Variants in TTF2 observed in about 807,000 individuals in gnomAD.
The protein encoded by TTF2 is RNA polymerase II termination factor.
In TTF2, 108 loss-of-function variants were observed where a neutral mutation model predicts 142.4. The observed-to-expected ratio is 0.76, with a 90% CI of 0.65 to 0.89. The LOEUF (loss-of-function observed/expected upper bound fraction) is 0.89. TTF2 is among the 40% of genes least tolerant of loss of function. The pLI is 0.00. For synonymous variants in TTF2, 483 were observed against 506.2 expected (o/e 0.95, Z 0.61); for missense variants, 1,327 against 1,379.8 (o/e 0.96, Z 0.61).
intron 12 of TTF2, among the ~76,000 whole-genome samples, chr1:117,088,563 G>C (rs1648246862): frequency 1.3e-5 from 2 of 151,570 alleles, no homozygotes; most frequent in South Asian, 4.2e-4. Flanking sequence ...ACCCAAATTT[G>C]AAAACATTTT....
chr1:117,098,669 G>GTGTTT, intron 21 of TTF2, 164 bp from the exon 22 acceptor site: 2 of 576,280 alleles, frequency 3.5e-6, no homozygotes, highest in Non-Finnish European at 6.1e-6. Flanking sequence ...CATGATGTGT[G>GTGTTT]TGTTTTGTTT....
rs556690916 is a variant in TTF2 at position 117,100,694 on chromosome 1, A to G, written c.3345-686A>G. On this transcript the variant is annotated intron_variant, in intron 22 of 22. Coordinates refer to ENST00000369466, the MANE Select transcript of TTF2 (RefSeq NM_003594.4). This position sits in a 1 kb window ranked among gnomAD's most constrained non-coding sequence, Gnocchi z 4.6. ...TGCTCTTTCTGGCAAACCCTTGCCC[A>G]ACATACAAGTCTCATATTAAGAGTT... Among the ~76,000 whole-genome samples the G allele has an allele frequency of 1.2e-4, 19 of 152,300 alleles. No homozygotes were observed. The South Asian group carries it at 3.9e-3, about 32-fold the overall frequency.
At chr1:117,065,466 A>T (rs548087293) in intron 3 of TTF2, among the ~76,000 whole-genome samples, 3 of 152,082 alleles carry the variant, frequency 2.0e-5, no homozygotes, top group African/African-American at 2.4e-5. Flanking sequence ...GGCATGGTGG[A>T]AGGCGCCTGT....
intron 4 of TTF2, among the ~76,000 whole-genome samples, chr1:117,074,043 T>A (rs2101407745): frequency 6.6e-6 from 1 of 152,308 alleles, no homozygotes; most frequent in Middle Eastern, 3.4e-3. Flanking sequence ...TATAGAGGAA[T>A]TTCTACTTGA....
chr1:117,070,516 A>G lies in TTF2; in HGVS notation c.219-3145A>G, dbSNP rs1317336224. 6.6e-6 allele frequency among the ~76,000 whole-genome samples: 1 copy of G among 152,232 alleles called. No individual in the cohort carries two copies. Among genetic ancestry groups the G allele is most frequent in the Non-Finnish European group, 1.5e-5 (1 of 68,040 alleles). On this transcript the variant is annotated intron_variant, in intron 3 of 22. Transcript: ENST00000369466. The surrounding 1 kb of genome is among the most constrained non-coding windows in gnomAD (Gnocchi z 4.2). ...ATCCACTGTTGACTGAAACATCATCATGCAGCACGGGACTGTACTTATGAA... is the reference window on the plus strand; with the variant it reads ...ATCCACTGTTGACTGAAACATCATCGTGCAGCACGGGACTGTACTTATGAA...
rs1470836556 is a variant in TTF2, at chr1:117,107,313, AATATTGCTTAAAGGCTAAC to A, written c.*5791_*5809del. The stretch of plus-strand genomic sequence containing the variant: ...TATTTGTAACAGAATTGTTACCATT[AATATTGCTTAAAGGCTAAC>A]ACATTAGCCAGAACCTAGATGTCTT... On this transcript the variant is annotated 3_prime_UTR_variant, in exon 23 of 23. Coordinates refer to ENST00000369466, the MANE Select transcript of TTF2 (RefSeq NM_003594.4). The A allele has an allele frequency of 3.3e-5, 5 of 152,224 alleles. No individual in the cohort carries two copies. Among genetic ancestry groups the A allele is most frequent in the African/African-American group, 1.2e-4 (5 of 41,454 alleles). 9.4% of individuals were successfully genotyped at this position (152,224 alleles called of 1,614,324 possible). A position where few individuals can be genotyped will look rare whatever the true frequency, so the allele number is the denominator to read the frequency against.
chr1:117,069,792 G>C lies in TTF2; in HGVS notation c.219-3869G>C, dbSNP rs184471411. On this transcript the variant is annotated intron_variant, in intron 3 of 22. Coordinates refer to ENST00000369466, the MANE Select transcript of TTF2 (RefSeq NM_003594.4). ...AATGCACTTGGCAGTGTGATGTTGA[G>C]TTGGACATTACCTTTAGGAAAATGG... Among the ~76,000 whole-genome samples, 77 of 152,350 alleles carry C rather than the reference G, an allele frequency of 5.1e-4. 1 individual carries two copies. Among genetic ancestry groups the C allele is most frequent in the Admixed American group, 4.7e-3 (72 of 15,304 alleles).
chr1:117,101,602 C>T lies in TTF2; in HGVS notation c.*78C>T. The T allele has an allele frequency of 1.4e-6, 2 of 1,386,716 alleles. No homozygotes were observed. Among genetic ancestry groups the T allele is most frequent in the Non-Finnish European group, 1.9e-6 (2 of 1,056,660 alleles). 85.9% of individuals were successfully genotyped at this position (1,386,716 alleles called of 1,614,324 possible). A position where few individuals can be genotyped will look rare whatever the true frequency, so the allele number is the denominator to read the frequency against. On this transcript the variant is annotated 3_prime_UTR_variant, in exon 23 of 23. Transcript: ENST00000369466. The surrounding 1 kb of genome is among the most constrained non-coding windows in gnomAD (Gnocchi z 5.9). ...CTGGGAATAACAACCTAACCATGAG[C>T]CTTGAACTCTGTTCTTTGCATTTCA... is the stretch of plus-strand genomic sequence containing the variant.
intron 4 of TTF2, 49 bp from the exon 5 acceptor site, chr1:117,074,821 C>T (rs369472072): frequency 2.5e-5 from 36 of 1,458,862 alleles, no homozygotes; most frequent in South Asian, 7.4e-5. Flanking sequence ...ATTCTAGATA[C>T]GAAGTTTGTA....
chr1:117,075,116 C>G lies in TTF2; in HGVS notation c.532C>G (p.Leu178Val). The G allele has an allele frequency of 6.2e-7, 1 of 1,613,976 alleles. No individual in the cohort carries two copies. Residue 178 changes from leucine (L) to valine (V), a missense_variant, in exon 5 of 23, where the codon CTC becomes GTC. By Grantham distance (32) the Leu-to-Val change is conservative (BLOSUM62 1). Coordinates refer to ENST00000369466, the MANE Select transcript of TTF2 (RefSeq NM_003594.4). This position sits in a 1 kb window ranked among gnomAD's most constrained non-coding sequence, Gnocchi z 4.5. ...GAAGCCTGAAATGATGGAGAAAGAC[C>G]TCTCATCTGGCCTGGTACCAAAGAA... ...EQKPEMMEKD[L>V]SSGLVPKKKQ...
At chr1:117,064,182 C>T (rs1456268936) in intron 3 of TTF2, among the ~76,000 whole-genome samples, 1 of 152,020 alleles carries the variant, frequency 6.6e-6, no homozygotes, top group East Asian at 1.9e-4. Context: ...TTTGTAAATT[C>T]TCTATACAAG....
Position 117,076,024 on chromosome 1 carries a change from G to C in TTF2, c.1276-156G>C, listed in dbSNP as rs994446155. On this transcript the variant is annotated intron_variant, in intron 5 of 22. Coordinates refer to ENST00000369466, the MANE Select transcript of TTF2 (RefSeq NM_003594.4). This position sits in a 1 kb window ranked among gnomAD's most constrained non-coding sequence, Gnocchi z 4.6. ...CTATTTATATTTTCAAGATTGGTAA[G>C]CCAGCTGGGTTAAAATTTAAAAAAG... is the stretch of plus-strand genomic sequence containing the variant. 6.6e-6 allele frequency among the ~76,000 whole-genome samples: 1 copy of C among 152,196 alleles called. No homozygotes were observed. The highest frequency in any genetic ancestry group is 1.9e-4 in the East Asian group (1 of 5,192).
chr1:117,102,698 T>C lies in TTF2; in HGVS notation c.*1174T>C, dbSNP rs1342813551. On this transcript the variant is annotated 3_prime_UTR_variant, in exon 23 of 23. Coordinates refer to ENST00000369466, the MANE Select transcript of TTF2 (RefSeq NM_003594.4). ...TTAGTATCATTGTTTCATTTAGTAT[T>C]TGGTACAATCTAATAAATACTAATC... is the stretch of plus-strand genomic sequence containing the variant. 6.6e-6 allele frequency: 1 copy of C among 152,202 alleles called. No homozygotes were observed. Among genetic ancestry groups the C allele is most frequent in the Non-Finnish European group, 1.5e-5 (1 of 68,038 alleles). The allele number at this position is 152,202 out of a possible 1,614,324, so 9.4% of individuals were successfully genotyped here.
At chr1:117,082,138 C>T (rs1033725374) in intron 10 of TTF2, 191 bp downstream of exon 10, 28 of 859,860 alleles carry the variant, frequency 3.3e-5, no homozygotes, top group Middle Eastern at 2.4e-4. Context: ...TCATTTTTTC[C>T]GTATAAATTT....
rs1186161063 is a variant in TTF2, at chr1:117,073,045, T to C, written c.219-616T>C. 2.0e-5 allele frequency among the ~76,000 whole-genome samples: 3 copies of C among 152,258 alleles called. No individual in the cohort carries two copies. The stretch of plus-strand genomic sequence containing the variant: ...GTTCACAAATTGGAATTGATTAATA[T>C]GTCTTTTAAGTCTCTGAAGTTTTCC... On this transcript the variant is annotated intron_variant, in intron 3 of 22. Transcript: ENST00000369466. The surrounding 1 kb of genome is among the most constrained non-coding windows in gnomAD (Gnocchi z 4.4).
Position 117,092,706 on chromosome 1 carries a change from C to T in TTF2, c.2806-25C>T, listed in dbSNP as rs200633253. The stretch of plus-strand genomic sequence containing the variant: ...GGTTTGCTCCCTTGACTCCCAGCTG[C>T]TCCTGTCCTTTTTTGTCTGTTCAGG... On this transcript the variant is annotated intron_variant, in intron 17 of 22. Coordinates refer to ENST00000369466, the MANE Select transcript of TTF2 (RefSeq NM_003594.4). The surrounding 1 kb of genome is among the most constrained non-coding windows in gnomAD (Gnocchi z 4.4). The T allele has an allele frequency of 6.2e-7, 1 of 1,604,118 alleles. No homozygotes were observed. The highest frequency in any genetic ancestry group is 1.3e-5 in the African/African-American group (1 of 74,638).
chr1:117,085,309 T>G lies in TTF2; in HGVS notation c.2055-1108T>G, dbSNP rs985768013. 3.3e-5 allele frequency among the ~76,000 whole-genome samples: 5 copies of G among 152,228 alleles called. No individual in the cohort carries two copies. Among genetic ancestry groups the G allele is most frequent in the Non-Finnish European group, 7.3e-5 (5 of 68,034 alleles). On this transcript the variant is annotated intron_variant, in intron 11 of 22. Transcript: ENST00000369466. This position sits in a 1 kb window ranked among gnomAD's most constrained non-coding sequence, Gnocchi z 4.7. ...TGGCTCATGCCTATAATCCGAGCAC[T>G]TTGGGAGGCCGAGGCAGGCAGATCA...
chr1:117,095,207 G>A, intron 18 of TTF2, 102 bp from the exon 19 acceptor site: 1 of 1,077,714 alleles, frequency 9.3e-7, no homozygotes. Flanking sequence ...GGTGAGGCCA[G>A]AGCACAGACG....
At chr1:117,082,704 T>G (rs1212619050) in intron 10 of TTF2, among the ~76,000 whole-genome samples, 1 of 152,204 alleles carries the variant, frequency 6.6e-6, no homozygotes, top group Non-Finnish European at 1.5e-5. Flanking sequence ...TAAAATGTAG[T>G]AACTTTAGCC....
Sources: gnomAD v4.1 joint callset for allele counts (sites outside exome capture counted in the v4.1 genomes callset) on GRCh38, gnomAD v4.1.1 for gene constraint, Gnocchi (gnomAD v3.1) non-coding constraint, MANE v1.5 for transcripts, NCBI Gene and HGNC (gene_info 2026-07-23, HGNC 2026-07-21) for gene names.